The following PCDH9 variants were observed in gnomAD, a reference collection of about 807,000 sequenced individuals.
PCDH9 encodes the protein protocadherin 9, also known as protocadherin-9.
In PCDH9, 24 loss-of-function variants were observed where a neutral mutation model predicts 70.6. The observed-to-expected ratio is 0.34, with a 90% CI of 0.25 to 0.48. PCDH9 has a LOEUF of 0.48. PCDH9 is among the 20% of genes least tolerant of loss of function. The pLI is 0.99. For synonymous variants in PCDH9, 562 were observed against 558.5 expected, an observed-to-expected ratio of 1.01 and a Z score of -0.09; for missense variants, 1,281 against 1,503.6, an observed-to-expected ratio of 0.85 and a Z score of 2.45.
chr13:66,915,357 T>C lies in PCDH9; in HGVS notation c.3037-11752A>G, dbSNP rs1406928837. 2.6e-5 allele frequency among the ~76,000 whole-genome samples: 4 copies of C among 151,578 alleles called. No homozygotes were observed. The East Asian group carries it at 7.8e-4, about 29-fold the overall frequency. On this transcript the variant is annotated intron_variant, in intron 2 of 4. Transcript: ENST00000377865. ...TTTTATAGAAGTTTTTTATTCAACC[T>C]TACATGATAAGGATCTAACAAGTCC...
At chr13:67,078,410 C>A (rs143419188) in intron 2 of PCDH9, among the ~76,000 whole-genome samples, 2 of 152,272 alleles carry the variant, frequency 1.3e-5, no homozygotes, top group East Asian at 3.9e-4. Context: ...CCCCTTTATT[C>A]TTCAATGAAT....
At chr13:66,939,700 G>A (rs1198083175) in intron 2 of PCDH9, among the ~76,000 whole-genome samples, 3 of 152,060 alleles carry the variant, frequency 2.0e-5, no homozygotes, top group African/African-American at 7.2e-5. Flanking sequence ...TTACAGGCAT[G>A]AGTCACCATG....
intron 2 of PCDH9, among the ~76,000 whole-genome samples, chr13:67,093,362 G>C (rs1018275098): frequency 1.3e-5 from 2 of 152,096 alleles, no homozygotes; most frequent in Non-Finnish European, 1.5e-5. Flanking sequence ...GCTGAGGCAG[G>C]AGAATCTCTT....
intron 3 of PCDH9, among the ~76,000 whole-genome samples, chr13:66,655,880 T>A (rs1204101485): frequency 6.6e-6 from 1 of 152,178 alleles, no homozygotes; most frequent in Non-Finnish European, 1.5e-5. Flanking sequence ...CAAGAAATGA[T>A]CTCTCCTGTT....
intron 2 of PCDH9, among the ~76,000 whole-genome samples, chr13:67,099,970 G>C (rs2086398663): frequency 1.3e-5 from 2 of 152,112 alleles, no homozygotes; most frequent in African/African-American, 2.4e-5. Context: ...GCATCTCTGG[G>C]AGTTCAAACA....
intron 3 of PCDH9, among the ~76,000 whole-genome samples, chr13:66,852,115 G>C (rs2081324089): frequency 6.6e-6 from 1 of 151,928 alleles, no homozygotes; most frequent in Admixed American, 6.6e-5. Flanking sequence ...TCTCCAAATA[G>C]TCACACTGGG....
chr13:66,517,173 C>T (rs61128146), intron 4 of PCDH9, among the ~76,000 whole-genome samples: 4,177 of 152,126 alleles, frequency 0.027, 190 homozygotes, highest in African/African-American at 0.094. Context: ...AAGTAAAATA[C>T]AATATAGTTA....
chr13:66,535,169 T>C (rs181775793), intron 4 of PCDH9, among the ~76,000 whole-genome samples: 30 of 152,208 alleles, frequency 2.0e-4, no homozygotes, highest in African/African-American at 6.7e-4. Context: ...TTTTAAATTA[T>C]ATTCTTCAGA....
intron 3 of PCDH9, among the ~76,000 whole-genome samples, chr13:66,899,451 G>A (rs1407141438): frequency 1.3e-5 from 2 of 152,004 alleles, no homozygotes; most frequent in African/African-American, 4.8e-5. Context: ...CTACAAGGGA[G>A]AAGTCCTATC....
intron 4 of PCDH9, among the ~76,000 whole-genome samples, chr13:66,498,631 A>G (rs1050560063): frequency 6.6e-6 from 1 of 152,188 alleles, no homozygotes; most frequent in Admixed American, 6.5e-5. Context: ...CCCCACAAAT[A>G]TTCAACATTT....
At chr13:67,022,106 CTTTTTTTTTTTTTTTTTT>C (rs71110623) in intron 2 of PCDH9, among the ~76,000 whole-genome samples, 38 of 35,408 alleles carry the variant, frequency 1.1e-3, no homozygotes, top group African/African-American at 4.6e-3. Flanking sequence ...AGGTGATGTT[CTTTTTTTTTTTTTTTTTT>C]TTTTTTTTTT....
chr13:66,771,782 T>G (rs9529138), intron 3 of PCDH9, among the ~76,000 whole-genome samples: 12,395 of 152,240 alleles, frequency 0.081, 524 homozygotes, highest in East Asian at 0.14. Context: ...CAATTATAAA[T>G]GAGACTTATA....
At chr13:66,605,074 T>C (rs559338949) in intron 4 of PCDH9, among the ~76,000 whole-genome samples, 1 of 152,194 alleles carries the variant, frequency 6.6e-6, no homozygotes, top group East Asian at 1.9e-4. Flanking sequence ...TTTATTTTAA[T>C]ACAGTAACAT....
At position 66,690,436 on chromosome 13, in the gene PCDH9, A is replaced by G. The variant is rs1442540615; in HGVS notation, c.3139-59025T>C. Among the ~76,000 whole-genome samples the G allele has an allele frequency of 2.0e-5, 3 of 152,166 alleles. No individual in the cohort carries two copies. The East Asian group carries it at 5.8e-4, about 29-fold the overall frequency. ...TCAAACAAATACAAATGTAACCTAT[A>G]CAAAAGGTTACATTTGCTTGATATT... is the stretch of plus-strand genomic sequence containing the variant. On this transcript the variant is annotated intron_variant, in intron 3 of 4. Transcript: ENST00000377865.
chr13:66,731,465 A>C (rs2079079320), intron 3 of PCDH9, among the ~76,000 whole-genome samples: 1 of 152,162 alleles, frequency 6.6e-6, no homozygotes, highest in Non-Finnish European at 1.5e-5. Context: ...ATAATACTCC[A>C]TATTGTATCA....
chr13:66,638,911 T>C (rs1477658222), intron 3 of PCDH9, among the ~76,000 whole-genome samples: 3 of 152,190 alleles, frequency 2.0e-5, no homozygotes, highest in Non-Finnish European at 4.4e-5. Flanking sequence ...CTTTCCTCCT[T>C]TCCTCTTTGA....
At chr13:66,954,515 C>A (rs2083236591) in intron 2 of PCDH9, among the ~76,000 whole-genome samples, 1 of 152,142 alleles carries the variant, frequency 6.6e-6, no homozygotes, top group Admixed American at 6.5e-5. Context: ...TGGGTTATTG[C>A]AAGGAAAACA....
At chr13:66,781,735 A>G (rs934860612) in intron 3 of PCDH9, among the ~76,000 whole-genome samples, 8 of 152,178 alleles carry the variant, frequency 5.3e-5, no homozygotes, top group African/African-American at 1.9e-4. Flanking sequence ...TGAGATTTGG[A>G]TGCTTCAAGT....
At chr13:66,385,783 C>G (rs1956917451) in intron 4 of PCDH9, among the ~76,000 whole-genome samples, 1 of 152,118 alleles carries the variant, frequency 6.6e-6, no homozygotes, top group South Asian at 2.1e-4. Context: ...CTATTTACAT[C>G]TGAATTCTAA....
Sources: allele counts gnomAD v4.1 joint callset (sites outside exome capture counted in the v4.1 genomes callset), GRCh38; gene constraint gnomAD v4.1.1; transcripts MANE v1.5; gene names NCBI Gene and HGNC (gene_info 2026-07-23, HGNC 2026-07-21).